Variants in ME1 observed in about 807,000 individuals in gnomAD.
The protein encoded by ME1 is malic enzyme 1, also known as NADP-dependent malic enzyme.
ME1 carries 74 observed loss-of-function variants against 66.4 expected under a neutral mutation model. That is an observed-to-expected ratio of 1.11 (90% CI 0.92 to 1.35). The LOEUF (loss-of-function observed/expected upper bound fraction) is 1.35, where lower values mean the gene tolerates loss of function less well. Among genes scored for constraint, ME1 ranks in the 40% most tolerant of loss-of-function variants. The probability of loss-of-function intolerance (pLI) is 0.00; values close to 1 mark genes in which losing one functional copy is unlikely to be tolerated. For synonymous variants in ME1, 251 were observed against 235.6 expected, an observed-to-expected ratio of 1.07 and a Z score of -0.60; for missense variants, 750 against 694.1, an observed-to-expected ratio of 1.08 and a Z score of -0.90.
chr6:83,301,430 C>A (rs1158631006), intron 6 of ME1, among the ~76,000 whole-genome samples: 3 of 151,940 alleles, frequency 2.0e-5, no homozygotes, highest in East Asian at 3.9e-4. Context: ...GCAACTTCTG[C>A]CTCCTGAGTT....
At chr6:83,424,466 A>G (rs1770330981) in intron 1 of ME1, among the ~76,000 whole-genome samples, 1 of 152,210 alleles carries the variant, frequency 6.6e-6, no homozygotes, top group Non-Finnish European at 1.5e-5. Flanking sequence ...GGGAACAGAC[A>G]CCTATGATAT....
intron 6 of ME1, among the ~76,000 whole-genome samples, chr6:83,298,189 A>G (rs1195221252): frequency 3.9e-5 from 6 of 152,158 alleles, no homozygotes; most frequent in Non-Finnish European, 8.8e-5. Context: ...ATAGTGTAAA[A>G]GAGTTCCTAT....
At chr6:83,418,785 C>T (rs1770208750) in intron 1 of ME1, among the ~76,000 whole-genome samples, 1 of 151,994 alleles carries the variant, frequency 6.6e-6, no homozygotes, top group Admixed American at 6.6e-5. Flanking sequence ...ATATGAAAAG[C>T]TACACAAATA....
chr6:83,341,438 G>C (rs1768583538), intron 5 of ME1, among the ~76,000 whole-genome samples: 1 of 152,136 alleles, frequency 6.6e-6, no homozygotes, highest in Non-Finnish European at 1.5e-5. Flanking sequence ...TCAACTTGCA[G>C]TTGATGTCAG....
intron 6 of ME1, among the ~76,000 whole-genome samples, chr6:83,274,946 C>T (rs1162298844): frequency 6.6e-6 from 1 of 151,908 alleles, no homozygotes; most frequent in Non-Finnish European, 1.5e-5. Flanking sequence ...CCAAAAATGC[C>T]CCAGGAAAGT....
rs561170575 is a variant in ME1, at chr6:83,237,055, C to T, written c.1026+662G>A. ...ACAGTTTTTTTTTTTTTTAATTAGC[C>T]GGATATGGCGGCCTGTGGTCCCAAC... is the stretch of plus-strand genomic sequence containing the variant. On this transcript the variant is annotated intron_variant, in intron 9 of 13. Coordinates refer to ENST00000369705, the MANE Select transcript of ME1 (RefSeq NM_002395.6). Among the ~76,000 whole-genome samples the T allele has an allele frequency of 1.2e-4, 18 of 149,892 alleles. No individual in the cohort carries two copies. The South Asian group carries it at 3.6e-3, about 30-fold the overall frequency.
chr6:83,247,833 A>G (rs141119161), intron 7 of ME1, among the ~76,000 whole-genome samples: 8 of 152,364 alleles, frequency 5.3e-5, no homozygotes, highest in Non-Finnish European at 1.2e-4. Context: ...GTCAGAGATT[A>G]GACATATTTT....
At chr6:83,429,699 C>CA (rs934630176) in intron 1 of ME1, among the ~76,000 whole-genome samples, 25 of 136,036 alleles carry the variant, frequency 1.8e-4, no homozygotes, top group Admixed American at 8.4e-5. Context: ...ACCACACACA[C>CA]AAAAAAAATC....
chr6:83,226,866 G>T (rs1790206431), intron 11 of ME1, among the ~76,000 whole-genome samples: 1 of 152,098 alleles, frequency 6.6e-6, no homozygotes, highest in Non-Finnish European at 1.5e-5. Context: ...AAGCATTGAG[G>T]ACTCCTATCC....
chr6:83,357,927 C>CTA (rs1768924387), intron 3 of ME1, among the ~76,000 whole-genome samples: 1 of 58,332 alleles, frequency 1.7e-5, no homozygotes, highest in East Asian at 5.5e-4. Flanking sequence ...CTCTCTCTCT[C>CTA]TCTCTCTCTA....
At chr6:83,239,078 A>G (rs886555639) in intron 8 of ME1, among the ~76,000 whole-genome samples, 1 of 151,846 alleles carries the variant, frequency 6.6e-6, no homozygotes, top group Non-Finnish European at 1.5e-5. Context: ...ATAATATACT[A>G]CAAATCCCTA....
At chr6:83,418,349 G>A (rs1421928001) in intron 1 of ME1, among the ~76,000 whole-genome samples, 1 of 134,410 alleles carries the variant, frequency 7.4e-6, no homozygotes, top group East Asian at 2.2e-4. Flanking sequence ...TGAAAGCCAG[G>A]AGGTTCAAGA....
At chr6:83,213,823 T>C (rs1789944173) in intron 13 of ME1, among the ~76,000 whole-genome samples, 1 of 152,188 alleles carries the variant, frequency 6.6e-6, no homozygotes, top group South Asian at 2.1e-4. Flanking sequence ...ATGAAATGTC[T>C]ATGAAAAAGC....
At chr6:83,392,808 C>T (rs1355301556) in intron 3 of ME1, 3 of 726,160 alleles carry the variant, frequency 4.1e-6, no homozygotes, top group East Asian at 3.1e-5. Flanking sequence ...CCCCCATGTT[C>T]GTGATGGGTG....
At chr6:83,393,732 A>G (rs1047296228) in intron 3 of ME1, among the ~76,000 whole-genome samples, 1 of 152,226 alleles carries the variant, frequency 6.6e-6, no homozygotes, top group Non-Finnish European at 1.5e-5. Flanking sequence ...CAAAATTTCA[A>G]TAAACATCCT....
intron 6 of ME1, among the ~76,000 whole-genome samples, chr6:83,267,246 T>C (rs573064347): frequency 6.6e-6 from 1 of 152,242 alleles, no homozygotes; most frequent in Non-Finnish European, 1.5e-5. Context: ...AACCCAATAA[T>C]CCAGCAGATT....
intron 2 of ME1, among the ~76,000 whole-genome samples, chr6:83,405,719 G>T (rs867720402): frequency 9.3e-5 from 13 of 140,528 alleles, no homozygotes; most frequent in Non-Finnish European, 1.5e-4. Flanking sequence ...TGTTGTTGTT[G>T]TTGTTTTTTT....
In ME1 at chr6:83,308,963, G is replaced by A. The variant is rs533643001; in HGVS notation, c.704+6347C>T. On this transcript the variant is annotated intron_variant, in intron 6 of 13. Coordinates refer to ENST00000369705, the MANE Select transcript of ME1 (RefSeq NM_002395.6). Reference sequence around the variant, plus strand: ...AAAACTGGGCAGAGGCAGGTATGGTGAGGATGTCAAGTAGACAGAAAGACA... The same window carrying A: ...AAAACTGGGCAGAGGCAGGTATGGTAAGGATGTCAAGTAGACAGAAAGACA... Among the ~76,000 whole-genome samples, 357 of 152,170 alleles carry A rather than the reference G, an allele frequency of 2.3e-3. 3 individuals carry two copies. Among genetic ancestry groups the A allele is most frequent in the African/African-American group, 8.3e-3 (346 of 41,504 alleles).
At chr6:83,241,914 GT>G (rs2128526207) in intron 7 of ME1, among the ~76,000 whole-genome samples, 1 of 152,038 alleles carries the variant, frequency 6.6e-6, no homozygotes, top group African/African-American at 2.4e-5. Flanking sequence ...CCATGCTGGA[GT>G]GCAGTGGCGC....
Sources: allele counts gnomAD v4.1 joint callset (sites outside exome capture counted in the v4.1 genomes callset), GRCh38; gene constraint gnomAD v4.1.1; transcripts MANE v1.5; gene names NCBI Gene and HGNC (gene_info 2026-07-23, HGNC 2026-07-21).